Variants in SPAG16 observed in about 807,000 individuals in gnomAD.
The protein encoded by SPAG16 is sperm associated antigen 16.
A neutral mutation model predicts 80.4 loss-of-function variants in SPAG16; 86 were observed. That is an observed-to-expected ratio of 1.07 (90% CI 0.90 to 1.28). The LOEUF (loss-of-function observed/expected upper bound fraction) is 1.28, where lower values mean the gene tolerates loss of function less well. SPAG16 is among the 50% of genes most tolerant of loss of function. The pLI, the probability that SPAG16 is intolerant of heterozygous loss-of-function variation, is 0.00. For missense variants in SPAG16, 870 were observed against 765.3 expected, an observed-to-expected ratio of 1.14 and a Z score of -1.61; for synonymous variants, 294 against 265.9, an observed-to-expected ratio of 1.11 and a Z score of -1.03.
At chr2:214,069,831 T>A (rs894059613) in intron 13 of SPAG16, among the ~76,000 whole-genome samples, 4 of 152,094 alleles carry the variant, frequency 2.6e-5, no homozygotes, top group African/African-American at 9.6e-5. Flanking sequence ...TAGGTACCTT[T>A]CTAATGTCCA....
At chr2:214,107,177 T>G (rs919884078) in intron 13 of SPAG16, among the ~76,000 whole-genome samples, 7 of 152,142 alleles carry the variant, frequency 4.6e-5, no homozygotes, top group African/African-American at 1.7e-4. Context: ...TTTCTTCTCT[T>G]CAGACTTATT....
At chr2:213,428,689 C>T (rs905894518) in intron 9 of SPAG16, among the ~76,000 whole-genome samples, 11 of 152,204 alleles carry the variant, frequency 7.2e-5, no homozygotes, top group Non-Finnish European at 1.5e-4. Context: ...TCAAGTTATA[C>T]AGCTCAGTGT....
At chr2:214,122,809 A>G (rs1017926692) in intron 14 of SPAG16, among the ~76,000 whole-genome samples, 1 of 152,046 alleles carries the variant, frequency 6.6e-6, no homozygotes, top group East Asian at 1.9e-4. Flanking sequence ...ATGTGTGGTG[A>G]AAAACACTAA....
chr2:214,069,120 A>G (rs1431478886), intron 13 of SPAG16, among the ~76,000 whole-genome samples: 1 of 152,130 alleles, frequency 6.6e-6, no homozygotes, highest in African/African-American at 2.4e-5. Context: ...CTGTGTGATT[A>G]TTTCCTACAT....
intron 11 of SPAG16, among the ~76,000 whole-genome samples, chr2:213,877,700 T>C (rs112517826): frequency 0.033 from 5,033 of 152,234 alleles, 262 homozygotes; most frequent in African/African-American, 0.11. Context: ...TATCCACTTA[T>C]GTATTTCCAA....
chr2:213,884,108 G>T (rs76905035), intron 11 of SPAG16, among the ~76,000 whole-genome samples: 1,577 of 152,188 alleles, frequency 0.01, 34 homozygotes, highest in African/African-American at 0.035. Context: ...GTGCCTATGG[G>T]CTATGTGCCT....
intron 13 of SPAG16, 100 bp downstream of exon 13, chr2:214,014,177 G>A: frequency 2.1e-6 from 3 of 1,401,812 alleles, no homozygotes; most frequent in Non-Finnish European, 1.9e-6. Context: ...GATTGTGCAA[G>A]GGCATTCAGG....
intron 14 of SPAG16, among the ~76,000 whole-genome samples, chr2:214,111,164 G>A (rs1215284256): frequency 6.6e-6 from 1 of 152,136 alleles, no homozygotes; most frequent in Non-Finnish European, 1.5e-5. Context: ...TCTGGCTTTT[G>A]TTGCCGTTGC....
At chr2:213,915,975 T>A (rs921678568) in intron 11 of SPAG16, among the ~76,000 whole-genome samples, 1 of 152,194 alleles carries the variant, frequency 6.6e-6, no homozygotes, top group Non-Finnish European at 1.5e-5. Flanking sequence ...TGTTTTGTTT[T>A]CTTGTAAATT....
chr2:214,222,199 C>T (rs1384653286), intron 15 of SPAG16, among the ~76,000 whole-genome samples: 1 of 143,936 alleles, frequency 6.9e-6, no homozygotes, highest in East Asian at 2.1e-4. Flanking sequence ...TCACTGCAAC[C>T]CCCGCCTCCT....
At chr2:213,742,552 T>TTTG (rs201730186) in intron 10 of SPAG16, among the ~76,000 whole-genome samples, 14,673 of 44,168 alleles carry the variant, frequency 0.33, 1,207 homozygotes, top group South Asian at 0.48. Context: ...TATTTCTTTT[T>TTTG]TTTTTTTTTT....
intron 14 of SPAG16, among the ~76,000 whole-genome samples, chr2:214,131,217 A>C (rs1559828729): frequency 6.6e-6 from 1 of 152,066 alleles, no homozygotes; most frequent in Non-Finnish European, 1.5e-5. Context: ...CTACCAAAAA[A>C]AAGTAGCTGG....
At chr2:213,750,695 G>A (rs1054002096) in intron 10 of SPAG16, among the ~76,000 whole-genome samples, 2 of 152,194 alleles carry the variant, frequency 1.3e-5, no homozygotes, top group Admixed American at 1.3e-4. Flanking sequence ...TGAAGCTTGA[G>A]TTCTGTTCAT....
At chr2:213,821,931 T>C (rs1184612679) in intron 10 of SPAG16, among the ~76,000 whole-genome samples, 1 of 152,200 alleles carries the variant, frequency 6.6e-6, no homozygotes, top group Non-Finnish European at 1.5e-5. Flanking sequence ...TGTACCACAT[T>C]ATCTTTATCT....
At chr2:213,344,025 C>A (rs2064831330) in intron 6 of SPAG16, among the ~76,000 whole-genome samples, 1 of 152,114 alleles carries the variant, frequency 6.6e-6, no homozygotes, top group Non-Finnish European at 1.5e-5. Flanking sequence ...TGGGTGCTTA[C>A]ATGAACCAAA....
chr2:214,194,459 G>T (rs2057766898), intron 15 of SPAG16, among the ~76,000 whole-genome samples: 1 of 152,074 alleles, frequency 6.6e-6, no homozygotes, highest in Non-Finnish European at 1.5e-5. Flanking sequence ...AAATGAGATA[G>T]AAGAATGGTA....
intron 10 of SPAG16, among the ~76,000 whole-genome samples, chr2:213,611,970 A>G (rs2061452309): frequency 6.6e-6 from 1 of 152,220 alleles, no homozygotes; most frequent in African/African-American, 2.4e-5. Context: ...ATGAAAACCA[A>G]GAATCAATAG....
chr2:213,432,051 A>G (rs1243809701), intron 9 of SPAG16, among the ~76,000 whole-genome samples: 1 of 152,144 alleles, frequency 6.6e-6, no homozygotes, highest in Non-Finnish European at 1.5e-5. Flanking sequence ...ATGAAGGAAT[A>G]TGAAAACACA....
At chr2:214,039,014 T>C (rs1221445814) in intron 13 of SPAG16, among the ~76,000 whole-genome samples, 1 of 152,186 alleles carries the variant, frequency 6.6e-6, no homozygotes, top group African/African-American at 2.4e-5. Flanking sequence ...CGTGTGCATG[T>C]GTCTTTATAG....
Sources: allele counts gnomAD v4.1 joint callset (sites outside exome capture counted in the v4.1 genomes callset), GRCh38; gene constraint gnomAD v4.1.1; transcripts MANE v1.5; gene names NCBI Gene and HGNC (gene_info 2026-07-23, HGNC 2026-07-21).